The following ODR4 variants were observed in gnomAD, a reference collection of about 807,000 sequenced individuals.
ODR4 encodes the protein protein odr-4 homolog.
Under a neutral mutation model 60.2 loss-of-function variants are expected in ODR4, and 47 were observed. That is an observed-to-expected ratio of 0.78 (90% CI 0.62 to 1.00). The LOEUF (loss-of-function observed/expected upper bound fraction) is 1.00. Ranked by LOEUF, ODR4 falls within the 50% of genes least tolerant of loss-of-function variation. The pLI is 0.00. For missense variants in ODR4, 488 were observed against 530.8 expected, an observed-to-expected ratio of 0.92 and a Z score of 0.79; for synonymous variants, 178 against 175.5, an observed-to-expected ratio of 1.01 and a Z score of -0.11.
intron 3 of ODR4, among the ~76,000 whole-genome samples, chr1:186,384,905 T>C (rs1445581831): frequency 2.6e-5 from 4 of 151,944 alleles, no homozygotes; most frequent in Non-Finnish European, 5.9e-5. Flanking sequence ...GACTGTACTC[T>C]GATTGATTGC....
the ODR4 span, among the ~76,000 whole-genome samples, chr1:186,434,945 T>C: frequency 2.6e-5 from 4 of 152,200 alleles, no homozygotes; most frequent in African/African-American, 9.6e-5. Context: ...TTCAAGCTAG[T>C]CTGTGTTCAA....
At chr1:186,410,939 C>T (rs373864406) in intron 12 of ODR4, among the ~76,000 whole-genome samples, 10 of 151,752 alleles carry the variant, frequency 6.6e-5, no homozygotes, top group South Asian at 4.2e-4. Flanking sequence ...CACTTGAACC[C>T]GGAAGGCGGA....
At chr1:186,397,488 T>G (rs1250030109) in intron 9 of ODR4, among the ~76,000 whole-genome samples, 1 of 152,188 alleles carries the variant, frequency 6.6e-6, no homozygotes, top group Non-Finnish European at 1.5e-5. Context: ...TTGAAATGCT[T>G]AGGACCAGAA....
chr1:186,429,616 G>A, the ODR4 span, among the ~76,000 whole-genome samples: 3 of 151,880 alleles, frequency 2.0e-5, no homozygotes, highest in Admixed American at 2.0e-4. Flanking sequence ...CAATTCTGGG[G>A]ACAAATAAAA....
the ODR4 span, among the ~76,000 whole-genome samples, chr1:186,432,974 T>TG: frequency 1.4e-3 from 217 of 151,954 alleles, 1 homozygote; most frequent in Non-Finnish European, 2.4e-3. Context: ...TTAGTAGAGA[T>TG]GGGGTTTCAC....
intron 4 of ODR4, among the ~76,000 whole-genome samples, chr1:186,387,900 C>T (rs1182612239): frequency 2.6e-5 from 4 of 152,152 alleles, no homozygotes; most frequent in African/African-American, 9.7e-5. Flanking sequence ...TTTGTTATTA[C>T]TATATTTTAT....
intron 8 of ODR4, among the ~76,000 whole-genome samples, chr1:186,393,272 A>C (rs190321545): frequency 6.6e-6 from 1 of 152,334 alleles, no homozygotes; most frequent in Admixed American, 6.5e-5. Context: ...GTACTCATGA[A>C]CTTAAAAGTT....
chr1:186,415,046 C>G (rs2102091674), intron 12 of ODR4, among the ~76,000 whole-genome samples: 1 of 150,916 alleles, frequency 6.6e-6, no homozygotes, highest in African/African-American at 2.4e-5. Flanking sequence ...AGAGACAGTT[C>G]ATAAGAATTT....
intron 8 of ODR4, among the ~76,000 whole-genome samples, chr1:186,393,499 C>T (rs1355295985): frequency 6.6e-6 from 1 of 152,136 alleles, no homozygotes; most frequent in Non-Finnish European, 1.5e-5. Flanking sequence ...CTGAAGGAAG[C>T]GGAACTTTTG....
chr1:186,384,572 G>GACACAT (rs1660172871), intron 3 of ODR4, among the ~76,000 whole-genome samples: 1 of 129,548 alleles, frequency 7.7e-6, no homozygotes. Flanking sequence ...AATTGTATAT[G>GACACAT]ACACACACAC....
At chr1:186,432,786 T>A in the ODR4 span, among the ~76,000 whole-genome samples, 1 of 143,224 alleles carries the variant, frequency 7.0e-6, no homozygotes. Flanking sequence ...ATCTGGCAGA[T>A]TTTTTTTTTT....
chr1:186,409,010 CAGTT>C (rs71741756), intron 12 of ODR4, among the ~76,000 whole-genome samples: 45,172 of 151,414 alleles, frequency 0.3, 7,062 homozygotes, highest in Admixed American at 0.39. Context: ...TTTTAACAAA[CAGTT>C]AGTAACAGAG....
At chr1:186,413,254 A>G (rs538992593) in intron 12 of ODR4, among the ~76,000 whole-genome samples, 1 of 152,184 alleles carries the variant, frequency 6.6e-6, no homozygotes, top group Admixed American at 6.5e-5. Context: ...ATGCTCAACA[A>G]GTAAGTATAA....
chr1:186,391,825 T>C (rs753517746), intron 8 of ODR4, 34 bp downstream of exon 8: 5 of 1,304,594 alleles, frequency 3.8e-6, no homozygotes, highest in Non-Finnish European at 5.4e-6. Flanking sequence ...ATTAAATTGT[T>C]AGTGCTTAAG....
intron 12 of ODR4, 45 bp downstream of exon 12, chr1:186,406,313 A>G (rs762928399): frequency 2.0e-5 from 28 of 1,397,420 alleles, no homozygotes; most frequent in Admixed American, 1.7e-4. Flanking sequence ...ATTACAGCTA[A>G]GATTTTACCT....
intron 12 of ODR4, among the ~76,000 whole-genome samples, chr1:186,415,838 T>C (rs932270598): frequency 6.6e-6 from 1 of 152,242 alleles, no homozygotes; most frequent in Non-Finnish European, 1.5e-5. Flanking sequence ...GAAAGAGAAC[T>C]TGTGTCCAAA....
intron 11 of ODR4, among the ~76,000 whole-genome samples, chr1:186,405,692 C>T (rs952849825): frequency 6.6e-6 from 1 of 152,140 alleles, no homozygotes; most frequent in Admixed American, 6.5e-5. Flanking sequence ...GCTGGGATTA[C>T]AGGCACCTGC....
intron 2 of ODR4, among the ~76,000 whole-genome samples, chr1:186,380,557 C>T (rs1034507639): frequency 2.8e-5 from 4 of 144,718 alleles, no homozygotes; most frequent in Non-Finnish European, 3.0e-5. Flanking sequence ...CAGGAGGGAC[C>T]GGTCAGCAGT....
At position 186,421,131 on chromosome 1, in the gene ODR4, CAG is replaced by C. The variant is rs1157138646; in HGVS notation, c.*2057_*2058del. 2.0e-5 allele frequency: 3 copies of C among 152,126 alleles called. No individual in the cohort carries two copies. Among genetic ancestry groups the C allele is most frequent in the Non-Finnish European group, 4.4e-5 (3 of 68,022 alleles). The allele number at this position is 152,126 out of a possible 1,614,324, so 9.4% of individuals were successfully genotyped here. On this transcript the variant is annotated 3_prime_UTR_variant, in exon 14 of 14. Transcript: ENST00000287859. Reference sequence around the variant, plus strand: ...TTGCAACAAGCGAAACTGAAACAAACAGATGCTCAGATGAAAAACAGATGTTA... The same window carrying C: ...TTGCAACAAGCGAAACTGAAACAAACATGCTCAGATGAAAAACAGATGTTA...
Sources: allele counts gnomAD v4.1 joint callset (sites outside exome capture counted in the v4.1 genomes callset), GRCh38; gene constraint gnomAD v4.1.1; transcripts MANE v1.5; gene names NCBI Gene and HGNC (gene_info 2026-07-23, HGNC 2026-07-21).